The following TENM1 variants were observed in gnomAD, a reference collection of about 807,000 sequenced individuals.
The protein encoded by TENM1 is teneurin-1.
In TENM1, 35 loss-of-function variants were observed where a neutral mutation model predicts 174.8. That is an observed-to-expected ratio of 0.20 (90% CI 0.15 to 0.27). The LOEUF (loss-of-function observed/expected upper bound fraction) is 0.27, where lower values mean the gene tolerates loss of function less well. Among genes scored for constraint, TENM1 ranks in the 10% least tolerant of loss-of-function variants. The pLI, the probability that TENM1 is intolerant of heterozygous loss-of-function variation, is 1.00. For missense variants in TENM1, 1,633 were observed against 2,130.1 expected, an observed-to-expected ratio of 0.77 and a Z score of 4.59; for synonymous variants, 781 against 798.7, an observed-to-expected ratio of 0.98 and a Z score of 0.37.
At chrX:125,165,060 C>T in the TENM1 span, among the ~76,000 whole-genome samples, 1 of 111,887 alleles carries the variant, frequency 8.9e-6, no homozygotes, top group African/African-American at 3.2e-5. Context: ...GAGTGTCTGT[C>T]ATTACAGATT....
chrX:124,450,551 C>T (rs1427286187), intron 23 of TENM1, among the ~76,000 whole-genome samples: 2 of 111,349 alleles, frequency 1.8e-5, no homozygotes, highest in Non-Finnish European at 1.9e-5. Flanking sequence ...TCTTTATCAG[C>T]AGCGTAAAAA....
intron 11 of TENM1, among the ~76,000 whole-genome samples, chrX:124,580,204 T>C (rs936053848): frequency 3.2e-4 from 36 of 111,329 alleles, no homozygotes; most frequent in African/African-American, 8.8e-4. Flanking sequence ...GGAAACACTG[T>C]CAGTGTCCAT....
intron 5 of TENM1, among the ~76,000 whole-genome samples, chrX:124,683,521 G>GT (rs1331871213): frequency 9.0e-6 from 1 of 111,498 alleles, no homozygotes; most frequent in Non-Finnish European, 1.9e-5. Context: ...TCAATCTCAG[G>GT]TAAGTACATA....
chrX:124,421,990 C>T (rs747099558), intron 24 of TENM1, among the ~76,000 whole-genome samples: 2 of 111,981 alleles, frequency 1.8e-5, no homozygotes, highest in South Asian at 7.5e-4. Flanking sequence ...ACTAGTTTAT[C>T]CTCAGAATAG....
At chrX:124,415,356 G>T (rs979406951) in intron 25 of TENM1, among the ~76,000 whole-genome samples, 2 of 111,576 alleles carry the variant, frequency 1.8e-5, no homozygotes, top group African/African-American at 3.3e-5. Flanking sequence ...GACCAAGAGG[G>T]TTTCAGTATA....
At chrX:124,745,353 T>C (rs2053892546) in intron 3 of TENM1, among the ~76,000 whole-genome samples, 1 of 111,616 alleles carries the variant, frequency 9.0e-6, no homozygotes, top group African/African-American at 3.3e-5. Flanking sequence ...ATTATAGCAG[T>C]ATTCACAAGA....
At chrX:124,815,318 A>G (rs1465307305) in intron 3 of TENM1, among the ~76,000 whole-genome samples, 2 of 111,964 alleles carry the variant, frequency 1.8e-5, no homozygotes, top group Non-Finnish European at 3.8e-5. Context: ...AAAACAAAAC[A>G]ATGGAAGTCA....
intron 23 of TENM1, among the ~76,000 whole-genome samples, chrX:124,439,521 T>C (rs2060881182): frequency 9.0e-6 from 1 of 111,492 alleles, no homozygotes; most frequent in African/African-American, 3.3e-5. Context: ...ACATCAGCAC[T>C]AGGGAGACAA....
At chrX:125,080,705 C>T in the TENM1 span, among the ~76,000 whole-genome samples, 17,341 of 109,971 alleles carry the variant, frequency 0.16, 1,096 homozygotes, top group Admixed American at 0.3. Context: ...GGTCTTTTGT[C>T]TACCTGTGAC....
At chrX:124,985,603 G>A in the TENM1 span, among the ~76,000 whole-genome samples, 69 of 111,985 alleles carry the variant, frequency 6.2e-4, no homozygotes, top group African/African-American at 2.0e-3. Context: ...ACTAGGTGTG[G>A]GTTATCTTTT....
At chrX:124,911,033 A>G (rs1472710573) in intron 1 of TENM1, among the ~76,000 whole-genome samples, 1 of 109,614 alleles carries the variant, frequency 9.1e-6, no homozygotes, top group Non-Finnish European at 1.9e-5. Context: ...CTTCTGCCTC[A>G]GTCTCCCAAG....
chrX:124,663,861 T>C (rs1010533497), intron 6 of TENM1, among the ~76,000 whole-genome samples: 12 of 110,930 alleles, frequency 1.1e-4, no homozygotes, highest in Non-Finnish European at 5.7e-5. Context: ...AATAAATAAG[T>C]TTGTCTTTCA....
intron 3 of TENM1, among the ~76,000 whole-genome samples, chrX:124,882,599 C>T (rs192491871): frequency 5.0e-4 from 56 of 112,143 alleles, no homozygotes; most frequent in African/African-American, 1.6e-3. Context: ...ACATAATTCT[C>T]GCTAAAGTGA....
chrX:124,970,307 A>G, the TENM1 span, among the ~76,000 whole-genome samples: 1 of 111,804 alleles, frequency 8.9e-6, no homozygotes, highest in African/African-American at 3.3e-5. Context: ...CCTCAGAAAA[A>G]TAAATTAAAG....
chrX:124,397,060 G>A (rs190339354), intron 27 of TENM1, among the ~76,000 whole-genome samples: 205 of 110,977 alleles, frequency 1.8e-3, no homozygotes, highest in Non-Finnish European at 3.2e-3. Context: ...CTAGGAGACA[G>A]GCCTGATTGT....
At chrX:124,465,864 G>T (rs1002280383) in intron 22 of TENM1, among the ~76,000 whole-genome samples, 1 of 111,144 alleles carries the variant, frequency 9.0e-6, no homozygotes, top group Non-Finnish European at 1.9e-5. Flanking sequence ...CCACTCAAGG[G>T]CAGGGACCAT....
intron 15 of TENM1, among the ~76,000 whole-genome samples, chrX:124,531,208 T>C (rs1415214920): frequency 9.5e-6 from 1 of 104,946 alleles, no homozygotes; most frequent in African/African-American, 3.5e-5. Context: ...AAGGGGACCA[T>C]GTTATTCAGA....
At chrX:124,838,818 T>C (rs891429737) in intron 3 of TENM1, among the ~76,000 whole-genome samples, 1 of 111,195 alleles carries the variant, frequency 9.0e-6, no homozygotes, top group Non-Finnish European at 1.9e-5. Flanking sequence ...TATACACACA[T>C]ATACATATAT....
In TENM1 at chrX:124,883,339, G is replaced by A. The variant is rs778591622; in HGVS notation, c.535+10957C>T. On this transcript the variant is annotated intron_variant, in intron 3 of 31. Coordinates refer to ENST00000422452, the Ensembl canonical transcript of TENM1. Reference sequence around the variant, plus strand: ...CCTTTAGCTGTAAACAACATCAGTAGTGTCTATGATGTCCTCAGTGGCTTA... The same window carrying A: ...CCTTTAGCTGTAAACAACATCAGTAATGTCTATGATGTCCTCAGTGGCTTA... Among the ~76,000 whole-genome samples the A allele has an allele frequency of 4.5e-5, 5 of 112,274 alleles. No individual in the cohort carries two copies. The East Asian group carries it at 1.4e-3, about 32-fold the overall frequency.
Sources: allele counts gnomAD v4.1 joint callset (sites outside exome capture counted in the v4.1 genomes callset), GRCh38; gene constraint gnomAD v4.1.1; transcripts MANE v1.5; gene names NCBI Gene and HGNC (gene_info 2026-07-23, HGNC 2026-07-21).